The following SRFBP1 variants were observed in gnomAD, a reference collection of about 807,000 sequenced individuals.
The protein encoded by SRFBP1 is serum response factor-binding protein 1.
Under a neutral mutation model 45.5 loss-of-function variants are expected in SRFBP1, and 47 were observed. The ratio of observed to expected loss-of-function variants is 1.03; its 90% CI spans 0.82 to 1.32. The LOEUF is 1.32. SRFBP1 is among the 40% of genes most tolerant of loss of function. The pLI, the probability that SRFBP1 is intolerant of heterozygous loss-of-function variation, is 0.00. For missense variants in SRFBP1, 621 were observed against 484.6 expected (o/e 1.28, Z -2.64); for synonymous variants, 203 against 166.3 (o/e 1.22, Z -1.70).
At chr5:122,077,940 A>G, downstream of SRFBP1, 1 of 1,493,718 alleles carries the variant, frequency 6.7e-7, no homozygotes, top group South Asian at 1.4e-5. The surrounding 1 kb of genome is among the most constrained non-coding windows in gnomAD (Gnocchi z 4.9). Context: ...ACTAGCGCGC[A>G]GAGCTGCAAA....
At chr5:122,070,128 T>C in intron 2 of SRFBP1, 1 of 1,613,264 alleles carries the variant, frequency 6.2e-7, no homozygotes. Context: ...ATTGTTGGTA[T>C]AGTCAGATTC....
At chr5:122,025,822 C>T (rs567428857) in intron 7 of SRFBP1, among the ~76,000 whole-genome samples, 2 of 152,220 alleles carry the variant, frequency 1.3e-5, no homozygotes, top group Admixed American at 6.5e-5. Flanking sequence ...TCTGACAGGC[C>T]GAGCACGGTG....
At chr5:122,025,225 C>A (rs1211121741) in intron 7 of SRFBP1, among the ~76,000 whole-genome samples, 2 of 151,476 alleles carry the variant, frequency 1.3e-5, no homozygotes, top group Admixed American at 1.3e-4. Context: ...GGTTTTTTGT[C>A]CTTGCGATGG....
At chr5:122,033,326 A>G (rs115783284), downstream of SRFBP1, among the ~76,000 whole-genome samples, 766 of 151,766 alleles carry the variant, frequency 5.0e-3, 10 homozygotes, top group African/African-American at 0.017. Context: ...TCTGCCATTT[A>G]TTTCTGCCAT....
chr5:122,078,803 G>A (rs1341971418), downstream of SRFBP1, among the ~76,000 whole-genome samples: 1 of 152,246 alleles, frequency 6.6e-6, no homozygotes, highest in Non-Finnish European at 1.5e-5. Flanking sequence ...GTTTTTCTGT[G>A]TGTAGGTAAT....
At chr5:122,018,100 C>T (rs1314107024) in intron 4 of SRFBP1, among the ~76,000 whole-genome samples, 1 of 152,098 alleles carries the variant, frequency 6.6e-6, no homozygotes, top group Non-Finnish European at 1.5e-5. Flanking sequence ...AGATGATCAG[C>T]CGTGTATATA....
At chr5:121,980,339 G>T (rs2112824305) in intron 3 of SRFBP1, among the ~76,000 whole-genome samples, 1 of 152,174 alleles carries the variant, frequency 6.6e-6, no homozygotes, top group East Asian at 1.9e-4. Flanking sequence ...TGATTTAAGT[G>T]CCATATGCCA....
At position 122,020,158 on chromosome 5, in the gene SRFBP1, G is replaced by A. The variant is rs1220051864; in HGVS notation, c.423G>A (p.Glu141=). ...AEVESSKNAS[E]DNHSENTLYS... is the part of the protein sequence containing the mutation. ...TTGAGTCATCAAAGAATGCTTCAGA[G>A]GACAATCATTCTGAGAATACTTTGT... is the stretch of plus-strand genomic sequence containing the variant. The change falls in exon 6 of 8, where the codon GAG becomes GAA. Residue 141 remains glutamate, a synonymous_variant. Transcript: ENST00000339397. The A allele has an allele frequency of 4.4e-6, 7 of 1,607,662 alleles. No homozygotes were observed. Among genetic ancestry groups the A allele is most frequent in the South Asian group, 1.1e-5 (1 of 89,242 alleles).
At chr5:122,023,855 G>A (rs533432549) in intron 7 of SRFBP1, among the ~76,000 whole-genome samples, 14 of 152,220 alleles carry the variant, frequency 9.2e-5, no homozygotes, top group African/African-American at 2.9e-4. Context: ...GCTAGTTACC[G>A]TACTGAAAAT....
chr5:122,003,328 G>T (rs1752911882), intron 4 of SRFBP1, among the ~76,000 whole-genome samples: 1 of 149,280 alleles, frequency 6.7e-6, no homozygotes, highest in Middle Eastern at 3.4e-3. Flanking sequence ...ATGGGCAAGA[G>T]TGAGACCCTG....
At chr5:122,003,925 T>G (rs1433639029) in intron 4 of SRFBP1, among the ~76,000 whole-genome samples, 1 of 152,146 alleles carries the variant, frequency 6.6e-6, no homozygotes, top group Non-Finnish European at 1.5e-5. Context: ...CTAGTGAGTT[T>G]CCTTTTGTTT....
At chr5:121,964,857 G>A (rs773962235) in intron 1 of SRFBP1, among the ~76,000 whole-genome samples, 1 of 152,106 alleles carries the variant, frequency 6.6e-6, no homozygotes, top group Non-Finnish European at 1.5e-5. Flanking sequence ...AGCATCTGTT[G>A]TTTCCTGACT....
At chr5:121,996,931 A>T (rs1752739734) in intron 4 of SRFBP1, among the ~76,000 whole-genome samples, 1 of 146,388 alleles carries the variant, frequency 6.8e-6, no homozygotes, top group African/African-American at 2.7e-5. Flanking sequence ...CAAAGAGAAT[A>T]AAATACCTAG....
chr5:121,986,995 A>G (rs1752531108), intron 3 of SRFBP1, among the ~76,000 whole-genome samples: 2 of 152,126 alleles, frequency 1.3e-5, no homozygotes, highest in Admixed American at 1.3e-4. Context: ...ATTAAGGCCG[A>G]GTACTGAAAG....
intron 1 of SRFBP1, 50 bp from the exon 2 acceptor site, chr5:121,974,146 T>C (rs1298615474): frequency 7.7e-7 from 1 of 1,303,262 alleles, no homozygotes; most frequent in South Asian, 1.2e-5. Context: ...AAAGTGTGTT[T>C]GTTCCTGAAG....
intron 2 of SRFBP1, chr5:122,070,615 A>T (rs1327413707): frequency 1.4e-5 from 18 of 1,270,874 alleles, no homozygotes; most frequent in Non-Finnish European, 2.0e-5. Context: ...TAAAAAATTT[A>T]AAATTATGGT....
At chr5:122,037,669 T>C (rs1167933264) in intron 2 of SRFBP1, among the ~76,000 whole-genome samples, 2 of 150,554 alleles carry the variant, frequency 1.3e-5, no homozygotes. Context: ...CAGTTTTTAT[T>C]TTGTATTCTT....
chr5:121,965,085 A>G (rs1460505440), intron 1 of SRFBP1, among the ~76,000 whole-genome samples: 1 of 152,176 alleles, frequency 6.6e-6, no homozygotes, highest in Non-Finnish European at 1.5e-5. Flanking sequence ...GATTTTGGAT[A>G]TTAACCCTTT....
Position 122,058,426 on chromosome 5 carries a change from G to A in SRFBP1, n.312-16889G>A, listed in dbSNP as rs80079565. The stretch of plus-strand genomic sequence containing the variant: ...ATTTCCTTGGGTTTTCTTTGGAATT[G>A]TCATAACTTGGGCAATGGCTTAGCT... On this transcript the variant is annotated intron_variant and non_coding_transcript_variant, in intron 2 of 2. Transcript: ENST00000504881. Among the ~76,000 whole-genome samples the A allele has an allele frequency of 5.1e-3, 770 of 152,056 alleles. 19 individuals are homozygous for A. The East Asian group carries it at 0.051, about 10-fold the overall frequency.
Sources: gnomAD v4.1 joint callset for allele counts (sites outside exome capture counted in the v4.1 genomes callset) on GRCh38, gnomAD v4.1.1 for gene constraint, Gnocchi (gnomAD v3.1) non-coding constraint, MANE v1.5 for transcripts, NCBI Gene and HGNC (gene_info 2026-07-23, HGNC 2026-07-21) for gene names.